Variants in PREX1 observed in about 807,000 individuals in gnomAD.
PREX1 encodes phosphatidylinositol-3,4,5-trisphosphate dependent Rac exchange factor 1.
A neutral mutation model predicts 198.3 loss-of-function variants in PREX1; 41 were observed. That is an observed-to-expected ratio of 0.21 (90% confidence interval 0.16 to 0.27). The LOEUF is 0.27. Among genes scored for constraint, PREX1 ranks in the 10% least tolerant of loss-of-function variants. The pLI, the probability that PREX1 is intolerant of heterozygous loss-of-function variation, is 1.00. For synonymous variants in PREX1, 843 were observed against 887.2 expected (o/e 0.95, Z 0.89); for missense variants, 1,620 against 2,200.7 (o/e 0.74, Z 5.28).
chr20:48,714,477 AAAG>A (rs1211774347), intron 5 of PREX1, among the ~76,000 whole-genome samples: 4 of 152,260 alleles, frequency 2.6e-5, no homozygotes, highest in African/African-American at 7.2e-5. Context: ...ACATTTCTCC[AAAG>A]AAGATACACA....
intron 1 of PREX1, among the ~76,000 whole-genome samples, chr20:48,782,965 C>A (rs1200372500): frequency 6.6e-6 from 1 of 151,952 alleles, no homozygotes; most frequent in Admixed American, 6.6e-5. Context: ...AGCAACAGGC[C>A]AAGCAAAAGA....
intron 5 of PREX1, among the ~76,000 whole-genome samples, chr20:48,713,758 A>AAG (rs1555837387): frequency 1.4e-4 from 21 of 150,212 alleles, no homozygotes; most frequent in African/African-American, 4.4e-4. Flanking sequence ...AAAAAAAAAA[A>AAG]AGAGAGAGAG....
intron 1 of PREX1, among the ~76,000 whole-genome samples, chr20:48,783,380 A>G (rs1290399363): frequency 6.6e-6 from 1 of 151,960 alleles, no homozygotes; most frequent in East Asian, 1.9e-4. Flanking sequence ...GAGATGAGAG[A>G]GAGAGGGAGG....
intron 6 of PREX1, among the ~76,000 whole-genome samples, chr20:48,703,706 G>A (rs1037085504): frequency 2.6e-5 from 4 of 152,260 alleles, no homozygotes; most frequent in East Asian, 1.9e-4. Flanking sequence ...TGCCAAGTCC[G>A]TCTCGGGGGA....
intron 39 of PREX1, 46 bp from the exon 40 acceptor site, chr20:48,625,973 G>A: frequency 6.8e-7 from 1 of 1,475,156 alleles, no homozygotes; most frequent in Non-Finnish European, 9.0e-7. Context: ...GGGCGGGCCA[G>A]GACCTATTTG....
intron 1 of PREX1, among the ~76,000 whole-genome samples, chr20:48,748,167 G>C (rs73118616): frequency 0.071 from 10,772 of 152,200 alleles, 472 homozygotes; most frequent in South Asian, 0.18. Flanking sequence ...CCCTGCCTTC[G>C]AGGAACCTTT....
chr20:48,626,467 C>T (rs2089273325), intron 39 of PREX1, among the ~76,000 whole-genome samples: 2 of 152,356 alleles, frequency 1.3e-5, no homozygotes, highest in South Asian at 4.1e-4. Flanking sequence ...GGACAAGATA[C>T]TTAACCTCTC....
chr20:48,718,293 A>G (rs2089971080), intron 5 of PREX1, among the ~76,000 whole-genome samples: 1 of 152,146 alleles, frequency 6.6e-6, no homozygotes, highest in Non-Finnish European at 1.5e-5. Context: ...TTCTCTAGAG[A>G]AAAGGGTAAA....
At chr20:48,854,148 C>A in the PREX1 span, among the ~76,000 whole-genome samples, 1 of 152,180 alleles carries the variant, frequency 6.6e-6, no homozygotes. Flanking sequence ...GGGACAGGCA[C>A]ATGACTTGTG....
chr20:48,649,287 G>A lies in PREX1; in HGVS notation c.3305+13C>T, dbSNP rs73326936. The A allele has an allele frequency of 1.5e-3, 2,394 of 1,607,786 alleles. 23 individuals are homozygous for A. The African/African-American group carries it at 0.028, about 19-fold the overall frequency. On this transcript the variant is annotated intron_variant, in intron 25 of 39. Transcript: ENST00000371941. The stretch of plus-strand genomic sequence containing the variant: ...GCCCCTGCTCACGCCGGACACCCCC[G>A]GCCAGCGCTCACCTGTTGATCTGGG...
intron 5 of PREX1, among the ~76,000 whole-genome samples, chr20:48,722,903 T>C (rs2089992390): frequency 6.6e-6 from 1 of 152,178 alleles, no homozygotes; most frequent in Non-Finnish European, 1.5e-5. Flanking sequence ...GATGTGTGCA[T>C]CACCAGGAAA....
intron 29 of PREX1, 100 bp from the exon 30 acceptor site, chr20:48,639,994 A>C: frequency 1.2e-5 from 17 of 1,440,316 alleles, no homozygotes; most frequent in Non-Finnish European, 1.4e-5. Context: ...CCCAGAGCTC[A>C]TAATCCTAGA....
intron 33 of PREX1, 100 bp from the exon 34 acceptor site, chr20:48,632,739 G>C: frequency 7.5e-7 from 1 of 1,337,040 alleles, no homozygotes; most frequent in Non-Finnish European, 1.0e-6. Flanking sequence ...CCTGCCCCCA[G>C]GTCCAGGGGG....
At chr20:48,673,029 T>TA (rs11478310) in intron 14 of PREX1, among the ~76,000 whole-genome samples, 84 of 146,746 alleles carry the variant, frequency 5.7e-4, no homozygotes, top group East Asian at 1.8e-3. Context: ...CAAAAATAAT[T>TA]AAAAAAAAAA....
chr20:48,837,399 A>C, the PREX1 span, among the ~76,000 whole-genome samples: 2 of 152,242 alleles, frequency 1.3e-5, no homozygotes, highest in Non-Finnish European at 1.5e-5. Flanking sequence ...TGTTCACAAT[A>C]GCAAGGACAT....
At chr20:48,812,565 T>C (rs1275647918) in intron 1 of PREX1, among the ~76,000 whole-genome samples, 1 of 151,934 alleles carries the variant, frequency 6.6e-6, no homozygotes, top group Admixed American at 6.6e-5. Flanking sequence ...TATATTAGTA[T>C]AATAATTCTT....
At chr20:48,848,863 A>T in the PREX1 span, among the ~76,000 whole-genome samples, 1 of 152,100 alleles carries the variant, frequency 6.6e-6, no homozygotes, top group Admixed American at 6.6e-5. Flanking sequence ...CACCCTCCTG[A>T]GTAGCTGGGA....
intron 39 of PREX1, among the ~76,000 whole-genome samples, chr20:48,626,268 C>G (rs116434246): frequency 6.6e-6 from 1 of 152,308 alleles, no homozygotes; most frequent in African/African-American, 2.4e-5. Flanking sequence ...TTCACTTGCT[C>G]TATCCTGGGA....
At chr20:48,838,364 C>A in the PREX1 span, among the ~76,000 whole-genome samples, 1 of 152,124 alleles carries the variant, frequency 6.6e-6, no homozygotes, top group Non-Finnish European at 1.5e-5. Flanking sequence ...AGCCTTTAAC[C>A]AAGTTATTCC....
Sources: allele counts gnomAD v4.1 joint callset (sites outside exome capture counted in the v4.1 genomes callset), GRCh38; gene constraint gnomAD v4.1.1; transcripts MANE v1.5; gene names NCBI Gene and HGNC (gene_info 2026-07-23, HGNC 2026-07-21).